The following ZSWIM6 variants were observed in gnomAD, a reference collection of about 807,000 sequenced individuals.
ZSWIM6 encodes the protein zinc finger SWIM domain-containing protein 6.
Under a neutral mutation model 113.2 loss-of-function variants are expected in ZSWIM6, and 9 were observed. The observed-to-expected ratio is 0.08, with a 90% CI of 0.05 to 0.14. The LOEUF (loss-of-function observed/expected upper bound fraction) is 0.14. ZSWIM6 is among the 10% of genes least tolerant of loss of function. The pLI, the probability that ZSWIM6 is intolerant of heterozygous loss-of-function variation, is 1.00. For synonymous variants in ZSWIM6, 611 were observed against 606.5 expected (o/e 1.01, Z -0.11); for missense variants, 1,162 against 1,552.2 (o/e 0.75, Z 4.22).
chr5:61,377,986 A>G (rs538307507), intron 1 of ZSWIM6, among the ~76,000 whole-genome samples: 13 of 152,332 alleles, frequency 8.5e-5, no homozygotes, highest in African/African-American at 3.1e-4. Context: ...AACCTATTAC[A>G]TTGATGAAAA....
chr5:61,349,359 T>C (rs1744736414), intron 1 of ZSWIM6, among the ~76,000 whole-genome samples: 1 of 152,232 alleles, frequency 6.6e-6, no homozygotes, highest in Admixed American at 6.5e-5. Context: ...CATTGAAATG[T>C]CACTTGAATG....
chr5:61,434,479 C>A (rs891579509), intron 1 of ZSWIM6, among the ~76,000 whole-genome samples: 22 of 150,690 alleles, frequency 1.5e-4, no homozygotes, highest in South Asian at 2.1e-4. Context: ...CTCAAAGTCC[C>A]TTATATCATT....
At chr5:61,425,081 T>C (rs748328920) in intron 1 of ZSWIM6, among the ~76,000 whole-genome samples, 8 of 152,166 alleles carry the variant, frequency 5.3e-5, no homozygotes, top group Non-Finnish European at 7.3e-5. Flanking sequence ...TGCCTCAGTT[T>C]CCTCACTTGT....
chr5:61,449,260 T>G (rs1325480696), intron 1 of ZSWIM6, among the ~76,000 whole-genome samples: 1 of 152,218 alleles, frequency 6.6e-6, no homozygotes, highest in Non-Finnish European at 1.5e-5. Context: ...CTAGGCCCAA[T>G]TTTTTGCTTA....
At chr5:61,527,710 A>G (rs146258212) in intron 7 of ZSWIM6, among the ~76,000 whole-genome samples, 3 of 152,234 alleles carry the variant, frequency 2.0e-5, no homozygotes, top group African/African-American at 7.2e-5. Context: ...TAATATTCAA[A>G]CAAAGAGTGC....
At chr5:61,500,127 A>ATTATTATTATTG (rs1393804074) in intron 4 of ZSWIM6, among the ~76,000 whole-genome samples, 6 of 146,710 alleles carry the variant, frequency 4.1e-5, no homozygotes, top group African/African-American at 1.5e-4. Context: ...TATTATTATT[A>ATTATTATTATTG]TCATTATCAT....
intron 1 of ZSWIM6, among the ~76,000 whole-genome samples, chr5:61,468,085 A>G (rs1333390146): frequency 1.3e-5 from 2 of 152,252 alleles, no homozygotes. Context: ...ATGTTATTTC[A>G]TTTTAATTCC....
chr5:61,370,520 C>T (rs1341081645), intron 1 of ZSWIM6, among the ~76,000 whole-genome samples: 1 of 152,118 alleles, frequency 6.6e-6, no homozygotes, highest in African/African-American at 2.4e-5. Context: ...ATAAATAATT[C>T]AGTGGATTTA....
intron 2 of ZSWIM6, among the ~76,000 whole-genome samples, chr5:61,489,120 A>G (rs1421932599): frequency 6.6e-6 from 1 of 151,866 alleles, no homozygotes; most frequent in African/African-American, 2.4e-5. Flanking sequence ...TATTTCTTCC[A>G]TGCACCATGT....
chr5:61,345,654 C>T (rs1292510081), intron 1 of ZSWIM6, among the ~76,000 whole-genome samples: 2 of 152,124 alleles, frequency 1.3e-5, no homozygotes, highest in African/African-American at 4.8e-5. Flanking sequence ...TGATTATTTG[C>T]TTATCCAGTG....
chr5:61,538,896 C>G lies in ZSWIM6; in HGVS notation c.2464C>G (p.Pro822Ala). ...TGCATCAGTTGTTCCCAACCGCTAC[C>G]CTCGCTGGTTCACTCTAAGCCACAT... ...HIASVVPNRY[P>A]RWFTLSHIES... The change falls in exon 11 of 14, where the codon CCT becomes GCT. Residue 822 changes from proline to alanine, a missense_variant. Physicochemically the swap from Pro to Ala is conservative, Grantham distance 27. Around this residue, in one of 4 missense-constraint regions of ZSWIM6, gnomAD observed 620 missense variants for 804.6 expected, o/e 0.77. Transcript: ENST00000252744. The G allele has an allele frequency of 6.4e-7, 1 of 1,552,292 alleles. No individual in the cohort carries two copies. The highest frequency in any genetic ancestry group is 8.7e-7 in the Non-Finnish European group (1 of 1,147,110).
chr5:61,454,971 T>C (rs1033840020), intron 1 of ZSWIM6, among the ~76,000 whole-genome samples: 1 of 151,676 alleles, frequency 6.6e-6, no homozygotes, highest in African/African-American at 2.4e-5. Flanking sequence ...AGTCCTAGAA[T>C]CAGGCATTCC....
intron 7 of ZSWIM6, among the ~76,000 whole-genome samples, chr5:61,527,010 C>T (rs1262413050): frequency 6.6e-5 from 10 of 152,162 alleles, no homozygotes; most frequent in Admixed American, 3.9e-4. Context: ...CTTAAAGTGA[C>T]CAGAATAGAA....
intron 12 of ZSWIM6, among the ~76,000 whole-genome samples, chr5:61,540,746 C>T (rs1350860093): frequency 6.6e-6 from 1 of 151,850 alleles, no homozygotes; most frequent in Non-Finnish European, 1.5e-5. Context: ...CATGAGCTCT[C>T]TTGTTATTTG....
chr5:61,478,954 T>C (rs1747782378), intron 2 of ZSWIM6, among the ~76,000 whole-genome samples: 1 of 152,052 alleles, frequency 6.6e-6, no homozygotes, highest in Non-Finnish European at 1.5e-5. Context: ...GTGGATCACT[T>C]GATGTCAGGA....
rs2112013220 is a variant in ZSWIM6 at position 61,332,744 on chromosome 5, TCCCCGGCCGCA to T, written c.473_483del (p.Ser158TyrfsTer92). 7.9e-6 allele frequency: 7 copies of T among 884,258 alleles called. No homozygotes were observed. The South Asian group carries it at 3.7e-4, about 47-fold the overall frequency. 54.8% of individuals were successfully genotyped at this position (884,258 alleles called of 1,614,324 possible). ...CGGCGGCGGCGGCGGCTCCTCGTCT[TCCCCGGCCGCA>T]ACCTCGGCGGCCGCAACCTCGGCCG... On this transcript the variant is annotated frameshift_variant, in exon 1 of 14. Coordinates refer to ENST00000252744, the MANE Select transcript of ZSWIM6 (RefSeq NM_020928.2). LOFTEE classifies it high-confidence loss of function.
chr5:61,373,969 G>T (rs2112071191), intron 1 of ZSWIM6, among the ~76,000 whole-genome samples: 1 of 152,224 alleles, frequency 6.6e-6, no homozygotes, highest in East Asian at 1.9e-4. Context: ...TTTTGTTAGT[G>T]TTTATGAACT....
intron 4 of ZSWIM6, among the ~76,000 whole-genome samples, chr5:61,501,359 G>A (rs1748462326): frequency 2.0e-5 from 3 of 152,176 alleles, no homozygotes; most frequent in African/African-American, 7.2e-5. Flanking sequence ...TACTTGCTGT[G>A]TACTGCTATC....
At chr5:61,434,253 G>C (rs1358585176) in intron 1 of ZSWIM6, among the ~76,000 whole-genome samples, 2 of 148,560 alleles carry the variant, frequency 1.3e-5, no homozygotes, top group South Asian at 4.2e-4. Flanking sequence ...AGTAAAATAT[G>C]TACATTTTAC....
Sources: gnomAD v4.1 joint callset for allele counts (sites outside exome capture counted in the v4.1 genomes callset) on GRCh38, gnomAD v4.1.1 for gene constraint, gnomAD v4.1.1 regional missense constraint, MANE v1.5 for transcripts, NCBI Gene and HGNC (gene_info 2026-07-23, HGNC 2026-07-21) for gene names.